MX2: variants seen among roughly 807,000 people sequenced by gnomAD.
MX2 encodes interferon-induced GTP-binding protein Mx2.
A neutral mutation model predicts 74.0 loss-of-function variants in MX2; 51 were observed. The observed-to-expected ratio is 0.69, with a 90% confidence interval of 0.55 to 0.87. The LOEUF is 0.87. Ranked by LOEUF, MX2 falls within the 40% of genes least tolerant of loss-of-function variation. MX2 has a pLI of 0.00. For missense variants in MX2, 832 were observed against 908.7 expected, an observed-to-expected ratio of 0.92 and a Z score of 1.09; for synonymous variants, 369 against 339.3, an observed-to-expected ratio of 1.09 and a Z score of -0.96.
At chr21:41,362,765 T>TG (rs2089227650) in intron 1 of MX2, among the ~76,000 whole-genome samples, 1 of 143,502 alleles carries the variant, frequency 7.0e-6, no homozygotes, top group African/African-American at 2.6e-5. Context: ...TTTTTTTTTT[T>TG]TTTTTTTTTT....
chr21:41,388,903 G>A lies in MX2; in HGVS notation c.733-1662G>A, dbSNP rs1398911141. 6.6e-6 allele frequency among the ~76,000 whole-genome samples: 1 copy of A among 152,114 alleles called. No individual in the cohort carries two copies. Among genetic ancestry groups the A allele is most frequent in the Non-Finnish European group, 1.5e-5 (1 of 68,032 alleles). ...GTTTGCTAGTGGTTTGGATGCTACC[G>A]GTATCCAGTGGGTAAAGGCCACAGA... On this transcript the variant is annotated intron_variant, in intron 5 of 13. Coordinates refer to ENST00000330714, the MANE Select transcript of MX2 (RefSeq NM_002463.2). The surrounding 1 kb of genome is among the most constrained non-coding windows in gnomAD (Gnocchi z 4.0).
chr21:41,395,750 A>G lies in MX2; in HGVS notation c.1035A>G (p.Lys345=). 1.2e-6 allele frequency: 2 copies of G among 1,614,218 alleles called. No individual in the cohort carries two copies. The highest frequency in any genetic ancestry group is 1.7e-6 in the Non-Finnish European group (2 of 1,180,044). ...TGAGCTTGGCAGAGGCAACCAAGAAAGAAATTACATTCTTTCAAACACATC... is the reference window on the plus strand; with the variant it reads ...TGAGCTTGGCAGAGGCAACCAAGAAGGAAATTACATTCTTTCAAACACATC... ...NRLSLAEATK[K]EITFFQTHPY... Residue 345 remains lysine, a synonymous_variant, in exon 7 of 14, where the codon AAA becomes AAG. Transcript: ENST00000330714.
intron 6 of MX2, among the ~76,000 whole-genome samples, 166 bp from the exon 7 acceptor site, chr21:41,395,421 T>C (rs544403995): frequency 3.7e-4 from 56 of 151,994 alleles, no homozygotes; most frequent in African/African-American, 1.1e-3. Flanking sequence ...CCAATAGAAA[T>C]GCAAAGAAGA....
At chr21:41,400,787 A>G (rs999612039) in intron 10 of MX2, 2 of 151,258 alleles carry the variant, frequency 1.3e-5, no homozygotes, top group South Asian at 4.2e-4. Context: ...GCTCACTGCA[A>G]CCTCAGCCTC....
At chr21:41,362,961 G>A (rs1309329540) in intron 1 of MX2, among the ~76,000 whole-genome samples, 2 of 151,872 alleles carry the variant, frequency 1.3e-5, no homozygotes, top group Admixed American at 6.6e-5. Flanking sequence ...GGCTCTCTAT[G>A]TTGCCCAGGC....
At position 41,403,352 on chromosome 21, in the gene MX2, C is replaced by A; in HGVS notation, c.1650+9C>A. ...TTAACCAAACTGTTCAGGTAAGCAC[C>A]CAGAGTTCACTTGCTAGTCACCTGG... On this transcript the variant is annotated intron_variant, in intron 12 of 13. Transcript: ENST00000330714. The A allele has an allele frequency of 6.2e-7, 1 of 1,607,760 alleles. No homozygotes were observed. The highest frequency in any genetic ancestry group is 8.5e-7 in the Non-Finnish European group (1 of 1,174,426).
intron 8 of MX2, 30 bp downstream of exon 8, chr21:41,397,721 T>C (rs764372288): frequency 1.3e-6 from 2 of 1,584,052 alleles, no homozygotes; most frequent in Non-Finnish European, 1.7e-6. Flanking sequence ...TGACAAGTCA[T>C]CAATACAGCA....
chr21:41,387,160 C>G (rs1162439302), intron 5 of MX2, among the ~76,000 whole-genome samples: 1 of 152,184 alleles, frequency 6.6e-6, no homozygotes, highest in Non-Finnish European at 1.5e-5. Flanking sequence ...AAGGCACTGC[C>G]AAGGTCAGAC....
chr21:41,396,514 C>T (rs927700272), intron 7 of MX2, among the ~76,000 whole-genome samples: 3 of 152,086 alleles, frequency 2.0e-5, no homozygotes, highest in Admixed American at 1.3e-4. Flanking sequence ...AGGTCTACGG[C>T]TTGCTGACTA....
chr21:41,377,190 A>G (rs2089417450), intron 2 of MX2, 35 bp downstream of exon 2: 1 of 1,609,914 alleles, frequency 6.2e-7, no homozygotes, highest in Non-Finnish European at 8.5e-7. Flanking sequence ...GAAAGGGTGC[A>G]TTCTGGCTGC....
In MX2 at chr21:41,406,326, TC is replaced by T. The variant is rs1476240753; in HGVS notation, c.1651-416del. On this transcript the variant is annotated intron_variant, in intron 12 of 13. Coordinates refer to ENST00000330714, the MANE Select transcript of MX2 (RefSeq NM_002463.2). ...CTTGACTGCATGGGTGATGTAGGAG[TC>T]CTGGGATTCCTGGGAAACAGGTATA... Among the ~76,000 whole-genome samples the T allele has an allele frequency of 5.3e-5, 8 of 152,112 alleles. No homozygotes were observed. The East Asian group carries it at 1.6e-3, about 29-fold the overall frequency.
chr21:41,391,608 C>T (rs1020774888), intron 6 of MX2, among the ~76,000 whole-genome samples: 4 of 152,068 alleles, frequency 2.6e-5, no homozygotes, highest in African/African-American at 9.7e-5. Context: ...TGTCAAACTC[C>T]CAATCTCAGG....
chr21:41,383,163 A>G (rs2089521322), intron 5 of MX2, among the ~76,000 whole-genome samples: 1 of 152,174 alleles, frequency 6.6e-6, no homozygotes, highest in Admixed American at 6.5e-5. Context: ...GTTCTAGACC[A>G]GCACGGGCAA....
At chr21:41,387,833 C>T (rs536101205) in intron 5 of MX2, among the ~76,000 whole-genome samples, 6 of 152,266 alleles carry the variant, frequency 3.9e-5, no homozygotes, top group East Asian at 1.9e-4. Context: ...ACCCGATCTT[C>T]CCCCCAGTAT....
intron 6 of MX2, among the ~76,000 whole-genome samples, chr21:41,394,058 C>A (rs2089699445): frequency 1.3e-5 from 2 of 152,230 alleles, no homozygotes; most frequent in Non-Finnish European, 2.9e-5. Flanking sequence ...CCACCATGGT[C>A]TCCTGCCTGG....
chr21:41,367,874 T>G (rs2089281585), intron 1 of MX2, among the ~76,000 whole-genome samples: 1 of 152,178 alleles, frequency 6.6e-6, no homozygotes, highest in Non-Finnish European at 1.5e-5. Context: ...AGTAGCTCCC[T>G]CCTGGATTCT....
chr21:41,403,658 C>G (rs747696348), intron 12 of MX2: 87 of 590,600 alleles, frequency 1.5e-4, no homozygotes, highest in Non-Finnish European at 1.0e-5. Context: ...CTTTTTCAAG[C>G]ATAAAGCACA....
rs180866575 is a variant in MX2 at position 41,390,425 on chromosome 21, G to A, written c.733-140G>A. 1.2e-4 allele frequency: 151 copies of A among 1,256,576 alleles called. No individual in the cohort carries two copies. The African/African-American group carries it at 1.7e-3, about 15-fold the overall frequency. The allele number at this position is 1,256,576 out of a possible 1,614,324, so 77.8% of individuals were successfully genotyped here. A position where few individuals can be genotyped will look rare whatever the true frequency, so the allele number is the denominator to read the frequency against. On this transcript the variant is annotated intron_variant, in intron 5 of 13. Coordinates refer to ENST00000330714, the MANE Select transcript of MX2 (RefSeq NM_002463.2). ...CCGCCGGGGCAGGCATTCCCAGGAC[G>A]GGGCTCGGCCTAGCAAAGCCCAGAG...
chr21:41,389,896 G>A (rs986867676), intron 5 of MX2: 1 of 152,048 alleles, frequency 6.6e-6, no homozygotes, highest in Non-Finnish European at 1.5e-5. Context: ...ATTAAAAGTT[G>A]GCATTTTAAG....
Sources: gnomAD v4.1 joint callset for allele counts (sites outside exome capture counted in the v4.1 genomes callset) on GRCh38, gnomAD v4.1.1 for gene constraint, Gnocchi (gnomAD v3.1) non-coding constraint, MANE v1.5 for transcripts, NCBI Gene and HGNC (gene_info 2026-07-23, HGNC 2026-07-21) for gene names.